CLEC12A: variants seen among roughly 807,000 people sequenced by gnomAD.
The protein encoded by CLEC12A is C-type lectin protein CLL-1.
In CLEC12A, 22 loss-of-function variants were observed where a neutral mutation model predicts 26.5. The observed-to-expected ratio is 0.83, with a 90% confidence interval of 0.59 to 1.19. CLEC12A has a LOEUF of 1.19. CLEC12A is among the 50% of genes most tolerant of loss of function. The pLI is 0.00. For synonymous variants in CLEC12A, 119 were observed against 101.9 expected (o/e 1.17, Z -1.01); for missense variants, 353 against 315.6 (o/e 1.12, Z -0.90).
At chr12:9,964,280 G>A (rs930785424) in intron 1 of CLEC12A, among the ~76,000 whole-genome samples, 1 of 152,158 alleles carries the variant, frequency 6.6e-6, no homozygotes, top group Non-Finnish European at 1.5e-5. Context: ...AAGTTTGGAG[G>A]TGTAGGAGAC....
downstream of CLEC12A, among the ~76,000 whole-genome samples, chr12:9,986,524 G>T (rs992982723): frequency 3.3e-5 from 5 of 151,302 alleles, no homozygotes; most frequent in Non-Finnish European, 7.4e-5. Context: ...ATAAAAGGCA[G>T]CAAGGGTTGG....
chr12:9,973,570 G>A (rs1397431418), intron 1 of CLEC12A, among the ~76,000 whole-genome samples: 1 of 151,980 alleles, frequency 6.6e-6, no homozygotes, highest in East Asian at 1.9e-4. Flanking sequence ...TATTGCTGGT[G>A]AAAAATACAC....
rs118156377 is a variant in CLEC12A at position 9,976,154 on chromosome 12, A to G, written c.92-2812A>G. ...GGAAATGTGAGGTCAGAAGCTCCACACAGAGTCCCCACTGGGGTACTGTCC... is the reference window on the plus strand; with the variant it reads ...GGAAATGTGAGGTCAGAAGCTCCACGCAGAGTCCCCACTGGGGTACTGTCC... On this transcript the variant is annotated intron_variant, in intron 1 of 5. Coordinates refer to ENST00000304361, the MANE Select transcript of CLEC12A (RefSeq NM_138337.6). Among the ~76,000 whole-genome samples, 114 of 152,320 alleles carry G rather than the reference A, an allele frequency of 7.5e-4. 2 individuals are homozygous for G. The East Asian group carries it at 0.02, about 26-fold the overall frequency.
chr12:9,974,482 A>C (rs1864253783), intron 1 of CLEC12A, among the ~76,000 whole-genome samples: 1 of 152,234 alleles, frequency 6.6e-6, no homozygotes, highest in African/African-American at 2.4e-5. Context: ...TCACATTTCC[A>C]TAAGGAGTTC....
chr12:9,963,801 T>C (rs1335085004), intron 1 of CLEC12A, among the ~76,000 whole-genome samples: 1 of 152,104 alleles, frequency 6.6e-6, no homozygotes, highest in East Asian at 1.9e-4. Flanking sequence ...GAAAGGGGTG[T>C]CTTGTACCCA....
chr12:9,995,194 T>C (rs373031706), exon 5 of CLEC12A: 3 of 1,613,106 alleles, frequency 1.9e-6, no homozygotes, highest in Non-Finnish European at 2.5e-6. Flanking sequence ...ATTCGACTTC[T>C]GGCGAGATAA....
downstream of CLEC12A, among the ~76,000 whole-genome samples, chr12:10,000,229 T>C (rs943408688): frequency 1.3e-5 from 2 of 152,256 alleles, no homozygotes; most frequent in African/African-American, 2.4e-5. Context: ...AATATAGTGA[T>C]TATGTGGGCT....
intron 4 of CLEC12A, among the ~76,000 whole-genome samples, chr12:9,994,588 C>T (rs1210722191): frequency 6.6e-6 from 1 of 151,986 alleles, no homozygotes; most frequent in Non-Finnish European, 1.5e-5. Context: ...GTCCCTTTGC[C>T]TGGATTGTTT....
chr12:9,961,007 A>G (rs1307781762), intron 1 of CLEC12A, among the ~76,000 whole-genome samples: 1 of 152,236 alleles, frequency 6.6e-6, no homozygotes, highest in Non-Finnish European at 1.5e-5. Flanking sequence ...AGGCCCTGCG[A>G]ACATGCACCC....
At chr12:9,986,471 A>C (rs1864770780), downstream of CLEC12A, among the ~76,000 whole-genome samples, 1 of 145,822 alleles carries the variant, frequency 6.9e-6, no homozygotes, top group Admixed American at 6.9e-5. Context: ...ATTTGTGTGC[A>C]AAATAAGTTT....
At position 9,985,237 on chromosome 12, in the gene CLEC12A, C is replaced by A. The variant is rs1401808936; in HGVS notation, c.*211C>A. The A allele has an allele frequency of 1.8e-5, 8 of 456,390 alleles. No individual in the cohort carries two copies. Among genetic ancestry groups the A allele is most frequent in the Non-Finnish European group, 2.5e-5 (7 of 278,276 alleles). The allele number at this position is 456,390 out of a possible 1,614,324, so 28.3% of individuals were successfully genotyped here. ...ATAATGAAGCATGTCCCACCTCCCA[C>A]TTTCCATCATGGCCTGAACCCTGGA... On this transcript the variant is annotated 3_prime_UTR_variant, in exon 6 of 6. Transcript: ENST00000304361.
intron 4 of CLEC12A, chr12:9,991,727 T>A (rs531085707): frequency 6.6e-6 from 1 of 152,282 alleles, no homozygotes; most frequent in East Asian, 1.9e-4. Flanking sequence ...TTATTGAGTA[T>A]GTATTACATA....
At chr12:9,965,805 T>C (rs55816893) in intron 1 of CLEC12A, among the ~76,000 whole-genome samples, 4,754 of 151,874 alleles carry the variant, frequency 0.031, 247 homozygotes, top group African/African-American at 0.11. Context: ...AAGCGTGCTG[T>C]GGGATAGGAT....
At chr12:9,998,445 C>T (rs1046716156), downstream of CLEC12A, 64 of 1,049,090 alleles carry the variant, frequency 6.1e-5, no homozygotes, top group Non-Finnish European at 9.1e-5. Context: ...GAAGGCTCAC[C>T]CCTGCCCCTG....
chr12:9,962,203 CT>C (rs1863841089), intron 1 of CLEC12A, among the ~76,000 whole-genome samples: 1 of 150,966 alleles, frequency 6.6e-6, no homozygotes, highest in Admixed American at 6.6e-5. Flanking sequence ...GTAAATTGTC[CT>C]GTTATTTTAT....
chr12:9,963,176 G>C (rs1023643379), intron 1 of CLEC12A, among the ~76,000 whole-genome samples: 1 of 152,118 alleles, frequency 6.6e-6, no homozygotes, highest in African/African-American at 2.4e-5. Flanking sequence ...AGAATTGGGA[G>C]GACCTAGGAC....
the CLEC12A span, among the ~76,000 whole-genome samples, chr12:10,001,634 A>G: frequency 1.3e-5 from 2 of 152,188 alleles, no homozygotes; most frequent in African/African-American, 4.8e-5. Context: ...CCCTCCCCAC[A>G]TTCTATAAAT....
chr12:9,989,744 A>G (rs1013677550), downstream of CLEC12A, among the ~76,000 whole-genome samples: 2 of 152,234 alleles, frequency 1.3e-5, no homozygotes, highest in African/African-American at 2.4e-5. Flanking sequence ...ACAGCTTTGT[A>G]TTGGAAAGAC....
the CLEC12A span, among the ~76,000 whole-genome samples, chr12:10,004,467 G>A: frequency 0.096 from 14,643 of 151,992 alleles, 866 homozygotes; most frequent in Non-Finnish European, 0.13. Context: ...GCCATCCAAC[G>A]GCCAAACTAC....
Sources: gnomAD v4.1 joint callset for allele counts (sites outside exome capture counted in the v4.1 genomes callset) on GRCh38, gnomAD v4.1.1 for gene constraint, MANE v1.5 for transcripts, NCBI Gene and HGNC (gene_info 2026-07-23, HGNC 2026-07-21) for gene names.